The following MAP4K3 variants were observed in gnomAD, a reference collection of about 807,000 sequenced individuals.
MAP4K3 encodes the protein mitogen-activated protein kinase kinase kinase kinase 3.
MAP4K3 carries 94 observed loss-of-function variants against 143.5 expected under a neutral mutation model. The ratio of observed to expected loss-of-function variants is 0.65; its 90% CI spans 0.55 to 0.78. The LOEUF is 0.78. MAP4K3 is among the 30% of genes least tolerant of loss of function. The pLI is 0.00. For synonymous variants in MAP4K3, 416 were observed against 347.2 expected, an observed-to-expected ratio of 1.20 and a Z score of -2.20; for missense variants, 1,077 against 1,068.1, an observed-to-expected ratio of 1.01 and a Z score of -0.12.
Position 39,426,719 on chromosome 2 carries a change from A to T in MAP4K3, c.96+10173T>A, listed in dbSNP as rs151246332. On this transcript the variant is annotated intron_variant, in intron 1 of 33. Coordinates refer to ENST00000263881, the MANE Select transcript of MAP4K3 (RefSeq NM_003618.4). ...TGTGAATTGAAATTATTTTTTAAAA[A>T]GCAAACTTTTTTTAAAAAATGAAAG... 1.3e-3 allele frequency among the ~76,000 whole-genome samples: 195 copies of T among 152,228 alleles called. 1 individual carries two copies. In the Middle Eastern group the frequency reaches 0.014, roughly 11 times the overall value.
At position 39,256,989 on chromosome 2, in the gene MAP4K3, G is replaced by A. The variant is rs115632730; in HGVS notation, c.2470+1359C>T. 2.5e-3 allele frequency among the ~76,000 whole-genome samples: 388 copies of A among 152,202 alleles called. 1 individual carries two copies. The highest frequency in any genetic ancestry group is 4.1e-3 in the Non-Finnish European group (281 of 68,012). On this transcript the variant is annotated intron_variant, in intron 31 of 33. Transcript: ENST00000263881. ...TGACCCTGGCTATGTCTTTGAAAGC[G>A]GATTCCATTTTAACATCTTGATCAG...
chr2:39,279,044 G>C (rs1485814576), intron 23 of MAP4K3, among the ~76,000 whole-genome samples: 1 of 152,034 alleles, frequency 6.6e-6, no homozygotes, highest in Non-Finnish European at 1.5e-5. Context: ...TTGTTTGTTT[G>C]TTTGTTTCCC....
At chr2:39,264,447 G>C (rs1345603039) in intron 28 of MAP4K3, among the ~76,000 whole-genome samples, 1 of 152,072 alleles carries the variant, frequency 6.6e-6, no homozygotes, top group South Asian at 2.1e-4. Context: ...GTCACTTACA[G>C]GATTTTAAAC....
chr2:39,400,867 T>C (rs1666935913), intron 1 of MAP4K3, among the ~76,000 whole-genome samples: 1 of 152,154 alleles, frequency 6.6e-6, no homozygotes, highest in Non-Finnish European at 1.5e-5. Context: ...AAAGAAAAGC[T>C]TTAAAAATGA....
At chr2:39,413,804 C>A (rs1351106873) in intron 1 of MAP4K3, among the ~76,000 whole-genome samples, 1 of 151,714 alleles carries the variant, frequency 6.6e-6, no homozygotes. Context: ...TGCTAAGAAC[C>A]TCTTAAGTGA....
chr2:39,328,066 C>T (rs561043929), intron 8 of MAP4K3, among the ~76,000 whole-genome samples: 2 of 152,340 alleles, frequency 1.3e-5, no homozygotes, highest in African/African-American at 4.8e-5. Flanking sequence ...AGCAGTGGCT[C>T]ACGCCTGTAA....
chr2:39,308,478 AG>A (rs1324071336), intron 14 of MAP4K3, among the ~76,000 whole-genome samples: 18 of 152,190 alleles, frequency 1.2e-4, no homozygotes, highest in African/African-American at 4.3e-4. Context: ...CAGTCAAGTG[AG>A]TTAAAATAAG....
chr2:39,405,863 C>A (rs1340899134), intron 1 of MAP4K3, among the ~76,000 whole-genome samples: 2 of 151,814 alleles, frequency 1.3e-5, no homozygotes, highest in East Asian at 3.9e-4. Context: ...CAGAGTGAGA[C>A]CCTATCTCAA....
At chr2:39,362,347 T>G (rs1665794392) in intron 2 of MAP4K3, among the ~76,000 whole-genome samples, 1 of 152,058 alleles carries the variant, frequency 6.6e-6, no homozygotes, top group Non-Finnish European at 1.5e-5. Flanking sequence ...GCTCTAAAGA[T>G]TCCACAAAAA....
intron 32 of MAP4K3, among the ~76,000 whole-genome samples, chr2:39,254,065 G>A (rs143542831): frequency 1.3e-5 from 2 of 152,308 alleles, no homozygotes; most frequent in Admixed American, 6.5e-5. Flanking sequence ...TATAGTCTGC[G>A]CTGGTCATTA....
chr2:39,331,136 C>T (rs542401219), intron 8 of MAP4K3, among the ~76,000 whole-genome samples: 2 of 152,166 alleles, frequency 1.3e-5, no homozygotes, highest in South Asian at 4.2e-4. Context: ...AGCTATATGA[C>T]TGCTGATGAG....
intron 4 of MAP4K3, among the ~76,000 whole-genome samples, chr2:39,342,345 G>T (rs1422041498): frequency 6.6e-6 from 1 of 152,150 alleles, no homozygotes; most frequent in East Asian, 1.9e-4. Context: ...GGCCAGGCCA[G>T]TCTTGAACTC....
intron 3 of MAP4K3, among the ~76,000 whole-genome samples, chr2:39,347,248 T>A (rs1264163394): frequency 6.6e-6 from 1 of 152,192 alleles, no homozygotes; most frequent in African/African-American, 2.4e-5. Flanking sequence ...TATCAATAGA[T>A]ATAATTCATA....
At chr2:39,251,693 G>A (rs1680159846) in intron 33 of MAP4K3, 137 bp downstream of exon 33, 1 of 680,666 alleles carries the variant, frequency 1.5e-6, no homozygotes, top group Non-Finnish European at 2.5e-6. Context: ...TTTCTGACCT[G>A]TGAATTCTTA....
intron 26 of MAP4K3, among the ~76,000 whole-genome samples, chr2:39,271,172 T>C (rs1407969842): frequency 3.3e-5 from 5 of 152,192 alleles, no homozygotes; most frequent in Non-Finnish European, 7.4e-5. Context: ...GTACAATAAG[T>C]ACCTATATTC....
chr2:39,258,687 C>A, intron 29 of MAP4K3, 100 bp from the exon 30 acceptor site: 3 of 863,188 alleles, frequency 3.5e-6, no homozygotes, highest in Middle Eastern at 3.1e-4. Context: ...ATACTTGAAA[C>A]GGATATGTCT....
chr2:39,348,763 GA>G (rs1665368336), intron 3 of MAP4K3, among the ~76,000 whole-genome samples: 1 of 152,120 alleles, frequency 6.6e-6, no homozygotes, highest in Admixed American at 6.5e-5. Flanking sequence ...AAATTAAGTA[GA>G]GGGGGAAAAG....
chr2:39,383,919 A>T (rs1666418400), intron 1 of MAP4K3, among the ~76,000 whole-genome samples: 1 of 152,052 alleles, frequency 6.6e-6, no homozygotes, highest in African/African-American at 2.4e-5. Context: ...AGCCTGGGAA[A>T]CATGGTGAAA....
chr2:39,289,005 T>C (rs1199260277), intron 19 of MAP4K3, among the ~76,000 whole-genome samples: 1 of 152,166 alleles, frequency 6.6e-6, no homozygotes, highest in African/African-American at 2.4e-5. Flanking sequence ...TGAGCCAAGA[T>C]AGCGCCACTG....
Sources: gnomAD v4.1 joint callset for allele counts (sites outside exome capture counted in the v4.1 genomes callset) on GRCh38, gnomAD v4.1.1 for gene constraint, MANE v1.5 for transcripts, NCBI Gene and HGNC (gene_info 2026-07-23, HGNC 2026-07-21) for gene names.